The following IQSEC1 variants were observed in gnomAD, a reference collection of about 807,000 sequenced individuals.
The protein encoded by IQSEC1 is IQ motif and Sec7 domain ArfGEF 1, also known as IQ motif and SEC7 domain-containing protein 1.
A neutral mutation model predicts 91.0 loss-of-function variants in IQSEC1; 31 were observed. The observed-to-expected ratio is 0.34, with a 90% confidence interval of 0.26 to 0.46. The LOEUF (loss-of-function observed/expected upper bound fraction) is 0.46. IQSEC1 is among the 20% of genes least tolerant of loss of function. The pLI, the probability that IQSEC1 is intolerant of heterozygous loss-of-function variation, is 1.00. For synonymous variants in IQSEC1, 699 were observed against 662.6 expected (o/e 1.05, Z -0.84); for missense variants, 1,388 against 1,575.6 (o/e 0.88, Z 2.02).
intron 1 of IQSEC1, among the ~76,000 whole-genome samples, chr3:12,958,382 G>T (rs2125462983): frequency 1.3e-5 from 2 of 152,274 alleles, no homozygotes; most frequent in East Asian, 3.9e-4. Context: ...GAGCTGTGTG[G>T]CCCTGGGCAA....
intron 1 of IQSEC1, among the ~76,000 whole-genome samples, chr3:12,985,474 C>T (rs1221460853): frequency 7.1e-6 from 1 of 140,310 alleles, no homozygotes. Flanking sequence ...AGACACCGTT[C>T]TTTACTGCTT....
In IQSEC1 at chr3:12,967,913, T is replaced by TCAGGGGCGGGGCTACGCG. The variant is rs1424640296; in HGVS notation, c.24-26066_24-26049dup. Among the ~76,000 whole-genome samples, 2 of 52,448 alleles carry TCAGGGGCGGGGCTACGCG rather than the reference T, an allele frequency of 3.8e-5. No individual in the cohort carries two copies. The highest frequency in any genetic ancestry group is 8.0e-5 in the African/African-American group (1 of 12,434). 34.4% of individuals were successfully genotyped at this position (52,448 alleles called of 152,430 possible). On this transcript the variant is annotated intron_variant, in intron 1 of 13. Coordinates refer to ENST00000613206, the MANE Select transcript of IQSEC1 (RefSeq NM_001134382.3). This position sits in a 1 kb window ranked among gnomAD's most constrained non-coding sequence, Gnocchi z 5.9. ...GGGGCGGGGGGTCAGGGGCGGGGCG[T>TCAGGGGCGGGGCTACGCG]CAGGGGCGGGGCTACGCGCAGGGGC...
chr3:13,083,286 G>T (rs185904604), intron 2 of IQSEC1, among the ~76,000 whole-genome samples: 1 of 152,354 alleles, frequency 6.6e-6, no homozygotes, highest in African/African-American at 2.4e-5. Flanking sequence ...GAAGGTGGCA[G>T]TTCTCACATT....
chr3:13,139,860 C>A (rs115664926), intron 2 of IQSEC1, among the ~76,000 whole-genome samples: 4 of 152,254 alleles, frequency 2.6e-5, no homozygotes, highest in South Asian at 4.1e-4. Flanking sequence ...TGAACACCCG[C>A]GGTATGGCAG....
intron 1 of IQSEC1, among the ~76,000 whole-genome samples, chr3:13,006,193 G>T (rs1055525226): frequency 3.3e-5 from 5 of 152,152 alleles, no homozygotes; most frequent in Non-Finnish European, 7.3e-5. Context: ...CCTGAGCTGG[G>T]GGCTACTTCC....
intron 1 of IQSEC1, among the ~76,000 whole-genome samples, chr3:13,176,373 G>GT (rs1693728915): frequency 6.6e-6 from 1 of 151,938 alleles, no homozygotes; most frequent in South Asian, 2.1e-4. Flanking sequence ...TGCTACTAGA[G>GT]TCCTCCCCTC....
intron 1 of IQSEC1, among the ~76,000 whole-genome samples, chr3:13,011,769 G>A (rs1411487324): frequency 6.6e-6 from 1 of 152,162 alleles, no homozygotes; most frequent in Non-Finnish European, 1.5e-5. Context: ...ATTTGCTTCC[G>A]CTGCCACTAC....
At chr3:13,003,327 T>C (rs1225047862) in intron 1 of IQSEC1, among the ~76,000 whole-genome samples, 4 of 148,464 alleles carry the variant, frequency 2.7e-5, no homozygotes, top group Admixed American at 6.7e-5. Context: ...CATTCTATTC[T>C]ATAACATGGA....
At chr3:12,937,823 A>C (rs534249951) in intron 2 of IQSEC1, among the ~76,000 whole-genome samples, 14 of 152,122 alleles carry the variant, frequency 9.2e-5, no homozygotes, top group Non-Finnish European at 1.8e-4. Flanking sequence ...CAGAGAAGAG[A>C]CTCAACACAT....
At position 12,968,028 on chromosome 3, in the gene IQSEC1, A is replaced by G. The variant is rs560730108; in HGVS notation, c.24-26163T>C. 5.3e-5 allele frequency among the ~76,000 whole-genome samples: 8 copies of G among 152,296 alleles called. No individual in the cohort carries two copies. The East Asian group carries it at 1.5e-3, about 29-fold the overall frequency. ...CCAGCGCGCGAAGCCTCTGTTCTGGAAGGAGGACTTTGCGCAGCCCCTCCA... is the reference window on the plus strand; with the variant it reads ...CCAGCGCGCGAAGCCTCTGTTCTGGGAGGAGGACTTTGCGCAGCCCCTCCA... On this transcript the variant is annotated intron_variant, in intron 1 of 13. Coordinates refer to ENST00000613206, the MANE Select transcript of IQSEC1 (RefSeq NM_001134382.3).
chr3:13,020,668 ATTCT>A (rs1703357701), intron 1 of IQSEC1, among the ~76,000 whole-genome samples: 1 of 151,884 alleles, frequency 6.6e-6, no homozygotes. Context: ...TCCACTCCTG[ATTCT>A]TTTTTTTAGA....
intron 1 of IQSEC1, among the ~76,000 whole-genome samples, chr3:13,043,827 C>T (rs1704382704): frequency 1.3e-5 from 2 of 152,198 alleles, no homozygotes; most frequent in African/African-American, 4.8e-5. Context: ...CCCAGGTTTG[C>T]ACAACCCGAC....
At chr3:12,963,229 G>A (rs1700352491) in intron 1 of IQSEC1, among the ~76,000 whole-genome samples, 1 of 152,398 alleles carries the variant, frequency 6.6e-6, no homozygotes, top group African/African-American at 2.4e-5. Context: ...GGGACCTTAA[G>A]TTCAAATCAA....
Position 13,180,398 on chromosome 3 carries a change from T to C in IQSEC1, c.273-16265A>G, listed in dbSNP as rs1399819265. On this transcript the variant is annotated intron_variant, in intron 1 of 15. Coordinates refer to the IQSEC1 transcript ENST00000648114. ...CACACTCTGTATCTAGCTAATCTAGTGGGGACGTGGAGAACCTTTATGTCT... is the reference window on the plus strand; with the variant it reads ...CACACTCTGTATCTAGCTAATCTAGCGGGGACGTGGAGAACCTTTATGTCT... Among the ~76,000 whole-genome samples, 3 of 152,100 alleles carry C rather than the reference T, an allele frequency of 2.0e-5. No individual in the cohort carries two copies. In the East Asian group the frequency reaches 5.8e-4, roughly 29 times the overall value.
Position 13,060,517 on chromosome 3 carries a change from G to A in IQSEC1, c.23+12475C>T, listed in dbSNP as rs150402988. On this transcript the variant is annotated intron_variant, in intron 1 of 13. Transcript: ENST00000613206. ...CCATGCCCTGGCTTTCCACCGATGG[G>A]CGGGGTAGCCCTGGAAAAAGTCCCC... Among the ~76,000 whole-genome samples the A allele has an allele frequency of 4.7e-3, 714 of 152,326 alleles. 3 individuals are homozygous for A. Among genetic ancestry groups the A allele is most frequent in the Non-Finnish European group, 7.7e-3 (523 of 68,018 alleles).
rs185678372 is a variant in IQSEC1, at chr3:13,019,875, G to A, written c.23+53117C>T. Among the ~76,000 whole-genome samples, 337 of 152,258 alleles carry A rather than the reference G, an allele frequency of 2.2e-3. 2 individuals are homozygous for A. Among genetic ancestry groups the A allele is most frequent in the Middle Eastern group, 0.017 (5 of 294 alleles). On this transcript the variant is annotated intron_variant, in intron 1 of 13. Transcript: ENST00000613206. The stretch of plus-strand genomic sequence containing the variant: ...GCCACAAAGCCTCCCGTAAGGCCCC[G>A]CCCCACAGCCCCGTCAGGTGGCCGT...
At position 12,899,429 on chromosome 3, in the gene IQSEC1, C is replaced by T; in HGVS notation, c.*1554G>A. The T allele has an allele frequency of 6.2e-7, 1 of 1,610,694 alleles. No homozygotes were observed. Among genetic ancestry groups the T allele is most frequent in the Non-Finnish European group, 8.5e-7 (1 of 1,179,132 alleles). On this transcript the variant is annotated 3_prime_UTR_variant, in exon 14 of 14. Transcript: ENST00000613206. ...CTGACGGCTGCAGTGGCTCGAAAGG[C>T]TGAAACTACAAAGTATGGCCCGTGG...
intron 1 of IQSEC1, among the ~76,000 whole-genome samples, chr3:13,232,083 A>G (rs1694847648): frequency 6.6e-6 from 1 of 152,220 alleles, no homozygotes; most frequent in Non-Finnish European, 1.5e-5. Flanking sequence ...CTTCTACTTT[A>G]TAATAGTTAG....
chr3:13,083,287 T>C (rs1042261499), intron 2 of IQSEC1, among the ~76,000 whole-genome samples: 1 of 152,158 alleles, frequency 6.6e-6, no homozygotes, highest in African/African-American at 2.4e-5. Flanking sequence ...AAGGTGGCAG[T>C]TCTCACATTC....
Sources: gnomAD v4.1 joint callset for allele counts (sites outside exome capture counted in the v4.1 genomes callset) on GRCh38, gnomAD v4.1.1 for gene constraint, Gnocchi (gnomAD v3.1) non-coding constraint, MANE v1.5 for transcripts, NCBI Gene and HGNC (gene_info 2026-07-23, HGNC 2026-07-21) for gene names.